The following CCDC197 variants were observed in gnomAD, a reference collection of about 807,000 sequenced individuals.
CCDC197 encodes the protein uncharacterized protein CCDC197.
Under a neutral mutation model 13.4 loss-of-function variants are expected in CCDC197, and 24 were observed. The observed-to-expected ratio is 1.80, with a 90% CI of 1.30 to 2.53. The LOEUF (loss-of-function observed/expected upper bound fraction) is 2.53, where lower values mean the gene tolerates loss of function less well. CCDC197 is among the 30% of genes most tolerant of loss of function. The probability of loss-of-function intolerance (pLI) is 0.00; values close to 1 mark genes in which losing one functional copy is unlikely to be tolerated. For synonymous variants in CCDC197, 99 were observed against 55.5 expected (o/e 1.78, Z -3.48); for missense variants, 255 against 148.8 (o/e 1.71, Z -3.71).
At chr14:94,007,527 T>A (rs1056454273) in intron 6 of CCDC197, 3 of 152,252 alleles carry the variant, frequency 2.0e-5, no homozygotes, top group African/African-American at 7.2e-5. Context: ...TTACTGTGGC[T>A]TTGTAATAAA....
chr14:93,992,687 A>G (rs1262194101), upstream of CCDC197, among the ~76,000 whole-genome samples: 1 of 152,214 alleles, frequency 6.6e-6, no homozygotes, highest in Non-Finnish European at 1.5e-5. Context: ...CCCTCGGACC[A>G]TGACCAGAGC....
chr14:93,993,283 T>C (rs963363248), upstream of CCDC197, among the ~76,000 whole-genome samples: 2 of 152,204 alleles, frequency 1.3e-5, no homozygotes, highest in Non-Finnish European at 2.9e-5. Flanking sequence ...GATACTCTCT[T>C]AAAGAGTTGT....
Position 94,001,341 on chromosome 14 carries a change from T to G in CCDC197, c.366+18T>G. 1 of 738,102 alleles carries G rather than the reference T, an allele frequency of 1.4e-6. No individual in the cohort carries two copies. The allele number at this position is 738,102 out of a possible 1,614,324, so 45.7% of individuals were successfully genotyped here. A position where few individuals can be genotyped will look rare whatever the true frequency, so the allele number is the denominator to read the frequency against. ...TCATGTTGGTAACAGCTGCTTGAAG[T>G]CTGCTCCATTCCCCGTGGCCCAGGG... On this transcript the variant is annotated intron_variant, in intron 4 of 6. Coordinates refer to ENST00000636493, the MANE Select transcript of CCDC197 (RefSeq NM_001351596.2).
chr14:93,987,994 G>A (rs1167199971), intron 1 of CCDC197, among the ~76,000 whole-genome samples: 1 of 138,010 alleles, frequency 7.2e-6, no homozygotes, highest in Non-Finnish European at 1.6e-5. Flanking sequence ...TAGGGAGGTG[G>A]GGCATCTGGA....
At chr14:94,000,888 T>C in intron 3 of CCDC197, 1 of 358,930 alleles carries the variant, frequency 2.8e-6, no homozygotes. Flanking sequence ...TCGGTGGTCT[T>C]GATCCAGAAT....
upstream of CCDC197, among the ~76,000 whole-genome samples, chr14:93,996,887 A>G (rs138207815): frequency 0.014 from 2,137 of 152,246 alleles, 59 homozygotes; most frequent in African/African-American, 0.05. Flanking sequence ...TGGGTCCTTC[A>G]GCTTGCTCCC....
At chr14:93,996,356 T>C (rs778724403), upstream of CCDC197, among the ~76,000 whole-genome samples, 6 of 152,182 alleles carry the variant, frequency 3.9e-5, no homozygotes, top group Non-Finnish European at 8.8e-5. Flanking sequence ...CTGATCTCAC[T>C]GCCTGCTGGT....
rs1890589695 is a variant in CCDC197, at chr14:94,003,374, CTGGGGG to C, written c.498+26_498+31del. 1 of 471,230 alleles carries C rather than the reference CTGGGGG, an allele frequency of 2.1e-6. No homozygotes were observed. The highest frequency in any genetic ancestry group is 1.6e-5 in the South Asian group (1 of 64,506). 29.2% of individuals were successfully genotyped at this position (471,230 alleles called of 1,614,324 possible). A position where few individuals can be genotyped will look rare whatever the true frequency, so the allele number is the denominator to read the frequency against. On this transcript the variant is annotated intron_variant, in intron 5 of 6. Transcript: ENST00000636493. The surrounding 1 kb of genome is among the most constrained non-coding windows in gnomAD (Gnocchi z 5.0). ...TATAATGTGAGTCCAGTCTTTCAGCCTGGGGGTGGGGTTAGGGGTGGGGAAGGGGAA... is the reference window on the plus strand; with the variant it reads ...TATAATGTGAGTCCAGTCTTTCAGCCTGGGGTTAGGGGTGGGGAAGGGGAA...
chr14:93,991,682 C>T (rs1890213411), intron 1 of CCDC197, among the ~76,000 whole-genome samples: 1 of 152,124 alleles, frequency 6.6e-6, no homozygotes. Context: ...TAGAGCCACA[C>T]AGGGGTGAGG....
At chr14:93,991,620 C>A (rs1890212350) in intron 1 of CCDC197, among the ~76,000 whole-genome samples, 1 of 152,202 alleles carries the variant, frequency 6.6e-6, no homozygotes, top group South Asian at 2.1e-4. Flanking sequence ...TGACCTCATG[C>A]AGATCACATT....
At position 94,003,467 on chromosome 14, in the gene CCDC197, A is replaced by G; in HGVS notation, c.498+113A>G. ...CACATACGCACGCAGACACACACAC[A>G]CAGAGCCAGACACATAGACACACAG... On this transcript the variant is annotated intron_variant, in intron 5 of 6. Transcript: ENST00000636493. This position sits in a 1 kb window ranked among gnomAD's most constrained non-coding sequence, Gnocchi z 5.0. 1.6e-6 allele frequency: 1 copy of G among 637,060 alleles called. No individual in the cohort carries two copies. 39.5% of individuals were successfully genotyped at this position (637,060 alleles called of 1,614,324 possible). A position where few individuals can be genotyped will look rare whatever the true frequency, so the allele number is the denominator to read the frequency against.
chr14:94,002,726 G>A (rs549292100), intron 4 of CCDC197, among the ~76,000 whole-genome samples: 5 of 151,826 alleles, frequency 3.3e-5, no homozygotes, highest in Admixed American at 6.6e-5. Flanking sequence ...GGTGGTGTGC[G>A]CCTATAATCT....
chr14:93,992,604 C>G (rs1890232970), upstream of CCDC197, among the ~76,000 whole-genome samples: 1 of 152,184 alleles, frequency 6.6e-6, no homozygotes. Flanking sequence ...CTCCTCTGAG[C>G]TATTCCAGGG....
intron 1 of CCDC197, among the ~76,000 whole-genome samples, chr14:93,990,173 T>C (rs1001534155): frequency 3.9e-5 from 6 of 152,226 alleles, no homozygotes; most frequent in Non-Finnish European, 7.3e-5. Context: ...GTAAACAACA[T>C]CTGCAAAATC....
chr14:93,999,528 G>T, intron 2 of CCDC197, 55 bp from the exon 3 acceptor site: 1 of 776,886 alleles, frequency 1.3e-6, no homozygotes, highest in East Asian at 2.4e-5. Context: ...CATTCACAGG[G>T]GGTCCTGCGT....
intron 2 of CCDC197, among the ~76,000 whole-genome samples, chr14:93,998,881 A>T (rs990883652): frequency 3.9e-5 from 6 of 152,220 alleles, no homozygotes; most frequent in African/African-American, 1.4e-4. Context: ...TGGGCCACTC[A>T]GAAACCCCCA....
In CCDC197 at chr14:94,003,088, C is replaced by A; in HGVS notation, c.367-135C>A. ...ACGCCCTTTTCTGCATCTCTGGTGC[C>A]TTGAATGGCCCCAGCCACCCACAAG... On this transcript the variant is annotated intron_variant, in intron 4 of 6. Transcript: ENST00000636493. This position sits in a 1 kb window ranked among gnomAD's most constrained non-coding sequence, Gnocchi z 5.0. The A allele has an allele frequency of 1.7e-6, 1 of 597,042 alleles. No homozygotes were observed. The highest frequency in any genetic ancestry group is 3.0e-6 in the Non-Finnish European group (1 of 333,724). The allele number at this position is 597,042 out of a possible 1,614,324, so 37.0% of individuals were successfully genotyped here. A position where few individuals can be genotyped will look rare whatever the true frequency, so the allele number is the denominator to read the frequency against.
At chr14:93,994,513 C>T (rs1200769340), upstream of CCDC197, among the ~76,000 whole-genome samples, 1 of 152,234 alleles carries the variant, frequency 6.6e-6, no homozygotes, top group Non-Finnish European at 1.5e-5. Flanking sequence ...TTGTGACAGT[C>T]ACTCTTTAGG....
At chr14:93,992,251 A>T (rs1370032530) in intron 1 of CCDC197, among the ~76,000 whole-genome samples, 2 of 152,174 alleles carry the variant, frequency 1.3e-5, no homozygotes, top group Non-Finnish European at 2.9e-5. Flanking sequence ...CAGAAGGAAC[A>T]GCAGGGAAGG....
Sources: allele counts gnomAD v4.1 joint callset (sites outside exome capture counted in the v4.1 genomes callset), GRCh38; gene constraint gnomAD v4.1.1; non-coding constraint Gnocchi (gnomAD v3.1); transcripts MANE v1.5; gene names NCBI Gene and HGNC (gene_info 2026-07-23, HGNC 2026-07-21).